Variants in MET observed in about 807,000 individuals in gnomAD.
MET encodes hepatocyte growth factor receptor.
Under a neutral mutation model 133.1 loss-of-function variants are expected in MET, and 48 were observed. The observed-to-expected ratio is 0.36, with a 90% CI of 0.29 to 0.46. MET has a LOEUF of 0.46. Ranked by LOEUF, MET falls within the 20% of genes least tolerant of loss-of-function variation. The pLI is 1.00. For synonymous variants in MET, 628 were observed against 616.5 expected (o/e 1.02, Z -0.28); for missense variants, 1,442 against 1,695.9 (o/e 0.85, Z 2.63).
chr7:116,779,078 G>GCAT (rs1584961525), intron 17 of MET, 121 bp downstream of exon 17: 1 of 1,017,064 alleles, frequency 9.8e-7, no homozygotes, highest in East Asian at 2.6e-5. Flanking sequence ...TAAAATGTTA[G>GCAT]CATCATTCAA....
At chr7:116,704,551 T>C (rs914662174) in intron 2 of MET, among the ~76,000 whole-genome samples, 5 of 152,138 alleles carry the variant, frequency 3.3e-5, no homozygotes, top group African/African-American at 7.2e-5. Context: ...TCTGGTTCTA[T>C]TGTTTACAAG....
intron 19 of MET, among the ~76,000 whole-genome samples, chr7:116,794,248 A>C (rs56339508): frequency 0.033 from 5,036 of 152,278 alleles, 117 homozygotes; most frequent in Middle Eastern, 0.071. Flanking sequence ...GTATGTGATC[A>C]AGGGTCAATT....
At chr7:116,711,458 C>T (rs1442233904) in intron 2 of MET, among the ~76,000 whole-genome samples, 1 of 152,182 alleles carries the variant, frequency 6.6e-6, no homozygotes, top group Non-Finnish European at 1.5e-5. Flanking sequence ...AATCATTTAT[C>T]GTATCTCAGA....
intron 15 of MET, among the ~76,000 whole-genome samples, chr7:116,775,921 C>G (rs948168300): frequency 5.9e-5 from 9 of 152,130 alleles, no homozygotes; most frequent in African/African-American, 1.7e-4. Context: ...CTACAATGCA[C>G]TCCAATTTCT....
At chr7:116,746,329 A>C (rs373591857) in intron 5 of MET, among the ~76,000 whole-genome samples, 3 of 152,174 alleles carry the variant, frequency 2.0e-5, no homozygotes, top group Admixed American at 1.3e-4. Flanking sequence ...TACACTGTTG[A>C]TGGGACTGTA....
At chr7:116,741,168 G>A in intron 5 of MET, 143 bp downstream of exon 5, 1 of 946,798 alleles carries the variant, frequency 1.1e-6, no homozygotes, top group Non-Finnish European at 1.6e-6. Context: ...TCATTTAGCT[G>A]TGAGTCATCA....
Position 116,769,877 on chromosome 7 carries a change from C to T in MET, c.2730+86C>T, listed in dbSNP as rs1024814400. On this transcript the variant is annotated intron_variant, in intron 12 of 20. Coordinates refer to ENST00000397752, the MANE Select transcript of MET (RefSeq NM_000245.4). The stretch of plus-strand genomic sequence containing the variant: ...TCAGGCTTAAAATAAATCATTAAAG[C>T]TCATTTATGTGTGGGTTTTGGCTCA... 3.2e-6 allele frequency: 5 copies of T among 1,579,542 alleles called. No individual in the cohort carries two copies. The South Asian group carries it at 3.4e-5, about 11-fold the overall frequency.
At chr7:116,714,863 G>A (rs1792132394) in intron 2 of MET, among the ~76,000 whole-genome samples, 1 of 151,904 alleles carries the variant, frequency 6.6e-6, no homozygotes, top group Non-Finnish European at 1.5e-5. Flanking sequence ...CCCTGCATTA[G>A]AGAATAGTGT....
chr7:116,707,950 C>G (rs1351394598), intron 2 of MET, among the ~76,000 whole-genome samples: 1 of 152,066 alleles, frequency 6.6e-6, no homozygotes, highest in East Asian at 1.9e-4. Context: ...GGGCCAAAAC[C>G]TTGTAATCAT....
chr7:116,745,445 G>T (rs974342053), intron 5 of MET, among the ~76,000 whole-genome samples: 2 of 152,036 alleles, frequency 1.3e-5, no homozygotes, highest in African/African-American at 4.8e-5. Context: ...CGTTCATATG[G>T]ACCCAAAAAA....
intron 19 of MET, among the ~76,000 whole-genome samples, chr7:116,795,180 C>A (rs1223369694): frequency 6.6e-6 from 1 of 152,028 alleles, no homozygotes; most frequent in Non-Finnish European, 1.5e-5. Context: ...TTGATTTAGA[C>A]CTTCCCATTT....
At chr7:116,772,819 T>TA (rs1293555456) in intron 14 of MET, among the ~76,000 whole-genome samples, 6 of 152,208 alleles carry the variant, frequency 3.9e-5, no homozygotes, top group Non-Finnish European at 8.8e-5. Context: ...TTTCAACACT[T>TA]ACTACCTCTT....
chr7:116,755,286 T>A (rs2116907709), intron 5 of MET, 69 bp from the exon 6 acceptor site: 1 of 1,538,222 alleles, frequency 6.5e-7, no homozygotes, highest in Non-Finnish European at 8.9e-7. Flanking sequence ...TTTTGTTTGT[T>A]CGTTTTCCAT....
chr7:116,701,887 C>T (rs1336103802), intron 2 of MET, among the ~76,000 whole-genome samples: 1 of 151,744 alleles, frequency 6.6e-6, no homozygotes, highest in African/African-American at 2.4e-5. Context: ...TCCTAGAGCA[C>T]ATGGATTTGC....
chr7:116,763,311 C>G (rs376137897), intron 11 of MET, 43 bp downstream of exon 11: 8 of 1,527,046 alleles, frequency 5.2e-6, no homozygotes, highest in Non-Finnish European at 7.2e-6. Flanking sequence ...TCAGCTCAAA[C>G]TTAATTGACT....
intron 11 of MET, among the ~76,000 whole-genome samples, chr7:116,764,644 A>G (rs1329342578): frequency 6.6e-6 from 1 of 152,158 alleles, no homozygotes; most frequent in Non-Finnish European, 1.5e-5. Context: ...TTAAATACCC[A>G]TTATTCAACA....
At chr7:116,694,293 G>A (rs1796882001) in intron 1 of MET, among the ~76,000 whole-genome samples, 1 of 152,188 alleles carries the variant, frequency 6.6e-6, no homozygotes, top group African/African-American at 2.4e-5. Flanking sequence ...GGTTTAAACA[G>A]AAACCTCTAG....
chr7:116,786,364 A>AG (rs1795315477), intron 19 of MET, among the ~76,000 whole-genome samples: 1 of 152,230 alleles, frequency 6.6e-6, no homozygotes, highest in African/African-American at 2.4e-5. Context: ...AGTCCATAGC[A>AG]GGGGTCAAGG....
chr7:116,745,886 T>C (rs1390813768), intron 5 of MET, among the ~76,000 whole-genome samples: 2 of 152,162 alleles, frequency 1.3e-5, no homozygotes, highest in African/African-American at 2.4e-5. Flanking sequence ...ACTTCATGTC[T>C]AAAACACCAA....
Sources: gnomAD v4.1 joint callset for allele counts (sites outside exome capture counted in the v4.1 genomes callset) on GRCh38, gnomAD v4.1.1 for gene constraint, MANE v1.5 for transcripts, NCBI Gene and HGNC (gene_info 2026-07-23, HGNC 2026-07-21) for gene names.